FOXN3: variants seen among roughly 807,000 people sequenced by gnomAD.
The protein encoded by FOXN3 is forkhead box N3, also known as forkhead box protein N3.
In FOXN3, 7 loss-of-function variants were observed where a neutral mutation model predicts 38.4. The ratio of observed to expected loss-of-function variants is 0.18; its 90% CI spans 0.10 to 0.34. The LOEUF is 0.34. Among genes scored for constraint, FOXN3 ranks in the 10% least tolerant of loss-of-function variants. The pLI is 1.00. For missense variants in FOXN3, 456 were observed against 613.4 expected, an observed-to-expected ratio of 0.74 and a Z score of 2.71; for synonymous variants, 230 against 242.2, an observed-to-expected ratio of 0.95 and a Z score of 0.47.
At chr14:89,499,914 G>C (rs1893761411) in intron 1 of FOXN3, among the ~76,000 whole-genome samples, 1 of 151,732 alleles carries the variant, frequency 6.6e-6, no homozygotes, top group Admixed American at 6.6e-5. Context: ...TTGTTTTTTT[G>C]AGGTTGCTCA....
At chr14:89,527,719 T>G (rs78173451) in intron 1 of FOXN3, among the ~76,000 whole-genome samples, 30 of 146,778 alleles carry the variant, frequency 2.0e-4, no homozygotes, top group South Asian at 4.3e-4. Flanking sequence ...TTTTTTTTTT[T>G]GATACAGAGT....
Position 89,157,615 on chromosome 14 carries a change from A to G in FOXN3, c.*4799T>C, listed in dbSNP as rs556010066. The stretch of plus-strand genomic sequence containing the variant: ...TTACACATTCCGTTACAAAGGAAAA[A>G]AAGACACCATTACAGCTTTGTAACT... On this transcript the variant is annotated 3_prime_UTR_variant, in exon 6 of 6. Coordinates refer to ENST00000557258, the MANE Select transcript of FOXN3 (RefSeq NM_005197.4). 1 of 152,812 alleles carries G rather than the reference A, an allele frequency of 6.5e-6. No homozygotes were observed. Among genetic ancestry groups the G allele is most frequent in the Admixed American group, 6.5e-5 (1 of 15,310 alleles). 9.5% of individuals were successfully genotyped at this position (152,812 alleles called of 1,614,324 possible).
In FOXN3 at chr14:89,251,971, C is replaced by A. The variant is rs144331108; in HGVS notation, c.745+28979G>T. ...TTGCTTTGCGATAAACTAGCTACAA[C>A]TGCAGACAGTAGGCTTTGGCTGAAA... On this transcript the variant is annotated intron_variant, in intron 4 of 5. Coordinates refer to ENST00000557258, the MANE Select transcript of FOXN3 (RefSeq NM_005197.4). 1.1e-4 allele frequency among the ~76,000 whole-genome samples: 16 copies of A among 152,340 alleles called. No individual in the cohort carries two copies. The East Asian group carries it at 3.1e-3, about 29-fold the overall frequency.
At chr14:89,248,301 T>C (rs1885354386) in intron 4 of FOXN3, among the ~76,000 whole-genome samples, 1 of 152,264 alleles carries the variant, frequency 6.6e-6, no homozygotes, top group South Asian at 2.1e-4. Context: ...ATATGTGAAC[T>C]GATCATTTCA....
At chr14:89,208,109 C>G (rs1268770236) in intron 4 of FOXN3, among the ~76,000 whole-genome samples, 1 of 152,182 alleles carries the variant, frequency 6.6e-6, no homozygotes, top group African/African-American at 2.4e-5. Flanking sequence ...CAGCAGGCAT[C>G]ACTGTACATA....
intron 1 of FOXN3, among the ~76,000 whole-genome samples, chr14:89,471,425 G>A (rs1893091878): frequency 6.6e-6 from 1 of 151,972 alleles, no homozygotes; most frequent in African/African-American, 2.4e-5. Flanking sequence ...AACATAACAA[G>A]ACCTGTTATG....
chr14:89,208,586 A>G (rs189666207), intron 4 of FOXN3, among the ~76,000 whole-genome samples: 15 of 152,274 alleles, frequency 9.9e-5, no homozygotes, highest in African/African-American at 3.6e-4. Flanking sequence ...TTATTATACT[A>G]TTATACCTTA....
intron 2 of FOXN3, among the ~76,000 whole-genome samples, chr14:89,380,401 A>G (rs1465477750): frequency 2.0e-5 from 3 of 152,234 alleles, no homozygotes; most frequent in Non-Finnish European, 2.9e-5. Context: ...GTGAGAATGT[A>G]CTAACACAAA....
intron 1 of FOXN3, among the ~76,000 whole-genome samples, chr14:89,522,151 T>C (rs1894333444): frequency 1.3e-5 from 2 of 151,810 alleles, no homozygotes; most frequent in Non-Finnish European, 2.9e-5. Flanking sequence ...AAAAACCTTA[T>C]AATGCTGAAA....
At chr14:89,609,353 C>T (rs201924997) in intron 1 of FOXN3, among the ~76,000 whole-genome samples, 1 of 152,110 alleles carries the variant, frequency 6.6e-6, no homozygotes, top group East Asian at 1.9e-4. Flanking sequence ...CAGGTGCACA[C>T]CACCACGCCC....
intron 1 of FOXN3, among the ~76,000 whole-genome samples, chr14:89,434,133 A>G (rs1279785950): frequency 6.7e-6 from 1 of 148,486 alleles, no homozygotes; most frequent in Non-Finnish European, 1.5e-5. Flanking sequence ...CCAGGAGTCA[A>G]CCTGGTCTTG....
At chr14:89,452,736 A>G (rs1012427780) in intron 1 of FOXN3, among the ~76,000 whole-genome samples, 3 of 152,190 alleles carry the variant, frequency 2.0e-5, no homozygotes, top group Admixed American at 2.0e-4. Context: ...ATCAGCCTCA[A>G]AAGGAAATGA....
At chr14:89,180,476 C>G (rs1384017568) in intron 5 of FOXN3, among the ~76,000 whole-genome samples, 1 of 152,194 alleles carries the variant, frequency 6.6e-6, no homozygotes, top group Non-Finnish European at 1.5e-5. Context: ...CCTCCATCTC[C>G]TCATCTGTAA....
chr14:89,383,673 TTCCTC>T (rs201537996), intron 2 of FOXN3, among the ~76,000 whole-genome samples: 4 of 152,040 alleles, frequency 2.6e-5, no homozygotes, highest in Non-Finnish European at 5.9e-5. Context: ...TCTGTTTCCT[TTCCTC>T]TCCTCTCCTC....
At chr14:89,525,633 A>AC in intron 1 of FOXN3, among the ~76,000 whole-genome samples, 1 of 52,328 alleles carries the variant, frequency 1.9e-5, no homozygotes, top group African/African-American at 7.1e-5. Context: ...GTTTTCACTA[A>AC]AAAAAAAAAA....
chr14:89,330,013 C>G (rs1332000485), intron 3 of FOXN3, among the ~76,000 whole-genome samples: 2 of 152,110 alleles, frequency 1.3e-5, no homozygotes, highest in Non-Finnish European at 2.9e-5. Context: ...CCCTGCTCCC[C>G]CGCCATTTGT....
At chr14:89,367,468 C>T (rs554581094) in intron 2 of FOXN3, among the ~76,000 whole-genome samples, 2 of 152,258 alleles carry the variant, frequency 1.3e-5, no homozygotes, top group East Asian at 1.9e-4. Context: ...ATTCCTCCAG[C>T]GTTCTTGTCA....
chr14:89,174,068 G>C (rs1887458462), intron 5 of FOXN3, among the ~76,000 whole-genome samples: 1 of 152,162 alleles, frequency 6.6e-6, no homozygotes, highest in African/African-American at 2.4e-5. Flanking sequence ...AAGAATGATA[G>C]GAAATACTAA....
intron 4 of FOXN3, among the ~76,000 whole-genome samples, chr14:89,272,681 T>G (rs147839546): frequency 1.3e-3 from 196 of 152,042 alleles, no homozygotes; most frequent in African/African-American, 4.5e-3. Context: ...GTGAAAACTC[T>G]GTCTTTACTA....
Sources: gnomAD v4.1 joint callset for allele counts (sites outside exome capture counted in the v4.1 genomes callset) on GRCh38, gnomAD v4.1.1 for gene constraint, MANE v1.5 for transcripts, NCBI Gene and HGNC (gene_info 2026-07-23, HGNC 2026-07-21) for gene names.